Variants in ZFHX3 observed in about 807,000 individuals in gnomAD.
ZFHX3 encodes the protein zinc finger homeobox 3.
ZFHX3 carries 42 observed loss-of-function variants against 279.1 expected under a neutral mutation model. The ratio of observed to expected loss-of-function variants is 0.15; its 90% CI spans 0.12 to 0.19. ZFHX3 has a LOEUF of 0.19. Among genes scored for constraint, ZFHX3 ranks in the 10% least tolerant of loss-of-function variants. The pLI, the probability that ZFHX3 is intolerant of heterozygous loss-of-function variation, is 1.00. For missense variants in ZFHX3, 4,981 were observed against 4,754.0 expected, an observed-to-expected ratio of 1.05 and a Z score of -1.40; for synonymous variants, 2,293 against 1,957.8, an observed-to-expected ratio of 1.17 and a Z score of -4.52.
At chr16:73,089,249 AC>A (rs1966044068) in intron 8 of ZFHX3, among the ~76,000 whole-genome samples, 1 of 151,964 alleles carries the variant, frequency 6.6e-6, no homozygotes, top group Non-Finnish European at 1.5e-5. Context: ...GATTACAGGT[AC>A]CTGCCACCAC....
At chr16:72,979,792 CA>C (rs954168965) in intron 1 of ZFHX3, among the ~76,000 whole-genome samples, 1 of 151,870 alleles carries the variant, frequency 6.6e-6, no homozygotes, top group Non-Finnish European at 1.5e-5. Flanking sequence ...AATTTTGAAC[CA>C]AAAAAATCAA....
chr16:73,110,351 C>T (rs748903706), intron 7 of ZFHX3, among the ~76,000 whole-genome samples: 4 of 152,020 alleles, frequency 2.6e-5, no homozygotes. Flanking sequence ...TCTGAGTATG[C>T]CCTTTCCTTG....
intron 3 of ZFHX3, among the ~76,000 whole-genome samples, chr16:73,403,464 G>A (rs529106318): frequency 6.6e-5 from 10 of 152,316 alleles, no homozygotes; most frequent in Admixed American, 5.2e-4. Flanking sequence ...GCGTCTGCGG[G>A]CCGGGTCTGT....
intron 3 of ZFHX3, among the ~76,000 whole-genome samples, chr16:73,373,148 G>A (rs566677525): frequency 6.6e-6 from 1 of 152,052 alleles, no homozygotes; most frequent in East Asian, 1.9e-4. Context: ...GGTTTGGGGG[G>A]GGGGTGGTTC....
At chr16:73,473,767 T>G (rs1206841133) in intron 2 of ZFHX3, among the ~76,000 whole-genome samples, 2 of 152,350 alleles carry the variant, frequency 1.3e-5, no homozygotes, top group East Asian at 3.9e-4. Context: ...GGTTTTCCCA[T>G]CTGTTTCTTT....
intron 1 of ZFHX3, among the ~76,000 whole-genome samples, chr16:73,025,153 G>T (rs1964452123): frequency 6.6e-6 from 1 of 152,174 alleles, no homozygotes. Context: ...AGATGAGTAT[G>T]AGAGCAATTG....
chr16:73,134,561 C>T (rs1195753228), intron 6 of ZFHX3: 1 of 151,568 alleles, frequency 6.6e-6, no homozygotes, highest in East Asian at 1.9e-4. Flanking sequence ...TCTTGAACAC[C>T]TGGGCTCAAG....
chr16:73,270,381 C>T (rs2014106901), intron 4 of ZFHX3, among the ~76,000 whole-genome samples: 1 of 152,148 alleles, frequency 6.6e-6, no homozygotes, highest in African/African-American at 2.4e-5. Flanking sequence ...AAAACATAGC[C>T]ACGACCACTG....
At chr16:73,271,269 G>A (rs12918749) in intron 4 of ZFHX3, among the ~76,000 whole-genome samples, 1,528 of 152,236 alleles carry the variant, frequency 0.01, 13 homozygotes, top group Middle Eastern at 0.017. Context: ...TCAACCAAAT[G>A]GGCCCTTTTT....
At chr16:73,168,272 T>C (rs1567408220) in intron 5 of ZFHX3, among the ~76,000 whole-genome samples, 1 of 149,826 alleles carries the variant, frequency 6.7e-6, no homozygotes, top group Non-Finnish European at 1.5e-5. Context: ...TCTTTCTTTC[T>C]TTCTTTCGAG....
Position 73,654,644 on chromosome 16 carries a change from G to A in ZFHX3, c.-1547+25536C>T, listed in dbSNP as rs540624918. ...TAATTTGGTTGTAAACCAAATTATT[G>A]TTGTATGCAAGGTAAATTAAACATG... On this transcript the variant is annotated intron_variant, in intron 2 of 17. Coordinates refer to the ZFHX3 transcript ENST00000641206. 5.3e-5 allele frequency among the ~76,000 whole-genome samples: 8 copies of A among 151,968 alleles called. No homozygotes were observed. In the East Asian group the frequency reaches 1.5e-3, roughly 29 times the overall value.
chr16:73,115,377 C>CAAAA (rs10685277), intron 7 of ZFHX3, among the ~76,000 whole-genome samples: 62 of 79,922 alleles, frequency 7.8e-4, no homozygotes, highest in African/African-American at 1.2e-3. Context: ...CCTATCTCTA[C>CAAAA]AAAAAAAAAA....
chr16:73,632,170 A>G (rs1597037553), intron 2 of ZFHX3, among the ~76,000 whole-genome samples: 1 of 152,144 alleles, frequency 6.6e-6, no homozygotes, highest in African/African-American at 2.4e-5. Context: ...TTTAATATAC[A>G]TGTGTTGAGC....
At chr16:73,634,193 T>C (rs547477371) in intron 2 of ZFHX3, among the ~76,000 whole-genome samples, 96 of 151,890 alleles carry the variant, frequency 6.3e-4, no homozygotes, top group Non-Finnish European at 1.2e-3. Flanking sequence ...GAGATGTATA[T>C]GTAATATAAA....
intron 7 of ZFHX3, among the ~76,000 whole-genome samples, chr16:72,810,492 T>C (rs2036413137): frequency 6.6e-6 from 1 of 152,206 alleles, no homozygotes; most frequent in Non-Finnish European, 1.5e-5. Flanking sequence ...GGCCAGGAAA[T>C]GACTTTCATA....
intron 3 of ZFHX3, among the ~76,000 whole-genome samples, chr16:72,942,383 C>T (rs992420230): frequency 7.9e-5 from 12 of 152,254 alleles, no homozygotes; most frequent in African/African-American, 2.2e-4. Context: ...GTCATTTATG[C>T]GAAGAATTCC....
At chr16:73,465,403 G>C (rs769769286) in intron 2 of ZFHX3, among the ~76,000 whole-genome samples, 3 of 152,154 alleles carry the variant, frequency 2.0e-5, no homozygotes, top group Non-Finnish European at 4.4e-5. Flanking sequence ...GGCCAGGCAG[G>C]AGGGACCTGT....
At chr16:72,836,909 A>T (rs1369601032) in intron 4 of ZFHX3, among the ~76,000 whole-genome samples, 1 of 152,192 alleles carries the variant, frequency 6.6e-6, no homozygotes, top group Non-Finnish European at 1.5e-5. Flanking sequence ...CAGCTGGAGC[A>T]TCTATTTACT....
chr16:73,447,180 C>CA (rs61445002), intron 3 of ZFHX3, among the ~76,000 whole-genome samples: 7,325 of 90,382 alleles, frequency 0.081, 280 homozygotes, highest in East Asian at 0.2. Context: ...GACTCCATCT[C>CA]AAAAAAAAAA....
Sources: gnomAD v4.1 joint callset for allele counts (sites outside exome capture counted in the v4.1 genomes callset) on GRCh38, gnomAD v4.1.1 for gene constraint, MANE v1.5 for transcripts, NCBI Gene and HGNC (gene_info 2026-07-23, HGNC 2026-07-21) for gene names.